Variants in XIRP2 observed in about 807,000 individuals in gnomAD.
The protein encoded by XIRP2 is xin actin-binding repeat-containing protein 2.
In XIRP2, 236 loss-of-function variants were observed where a neutral mutation model predicts 277.0. The observed-to-expected ratio is 0.85, with a 90% CI of 0.77 to 0.95. The LOEUF is 0.95. Ranked by LOEUF, XIRP2 falls within the 40% of genes least tolerant of loss-of-function variation. The probability of loss-of-function intolerance (pLI) is 0.00; values close to 1 mark genes in which losing one functional copy is unlikely to be tolerated. For synonymous variants in XIRP2, 1,490 were observed against 1,416.5 expected (o/e 1.05, Z -1.17); for missense variants, 4,640 against 4,157.5 (o/e 1.12, Z -3.19).
intron 2 of XIRP2, among the ~76,000 whole-genome samples, chr2:166,908,704 G>C (rs1326890374): frequency 6.6e-6 from 1 of 152,172 alleles, no homozygotes; most frequent in African/African-American, 2.4e-5. Context: ...CCTATGTCCT[G>C]AATGGTATAG....
At chr2:167,204,205 C>G (rs1451960410) in intron 3 of XIRP2, among the ~76,000 whole-genome samples, 1 of 152,138 alleles carries the variant, frequency 6.6e-6, no homozygotes, top group Non-Finnish European at 1.5e-5. Flanking sequence ...ATTCTGGTTT[C>G]TCTGCTCAAC....
chr2:166,971,365 T>A (rs752811656), intron 2 of XIRP2, among the ~76,000 whole-genome samples: 2 of 152,034 alleles, frequency 1.3e-5, no homozygotes, highest in South Asian at 4.1e-4. Context: ...CAGGAGATAC[T>A]TTGAAGAAAG....
chr2:166,968,774 A>G (rs1243410312), intron 2 of XIRP2, among the ~76,000 whole-genome samples: 5 of 151,942 alleles, frequency 3.3e-5, no homozygotes, highest in Non-Finnish European at 7.4e-5. Context: ...AACAGAAGCT[A>G]GTACAATAGC....
chr2:167,235,175 ACTT>A (rs1248682453), intron 5 of XIRP2, among the ~76,000 whole-genome samples: 9 of 151,696 alleles, frequency 5.9e-5, no homozygotes, highest in Non-Finnish European at 8.9e-5. Flanking sequence ...CTTGGTACAG[ACTT>A]CTTCTTGCTC....
chr2:167,163,507 C>T (rs1461097539), intron 3 of XIRP2, among the ~76,000 whole-genome samples: 1 of 152,114 alleles, frequency 6.6e-6, no homozygotes, highest in African/African-American at 2.4e-5. Context: ...TAATTGGATG[C>T]TTGTCTTTTT....
At chr2:166,913,920 A>T (rs1160081866) in intron 2 of XIRP2, among the ~76,000 whole-genome samples, 1 of 152,212 alleles carries the variant, frequency 6.6e-6, no homozygotes, top group Non-Finnish European at 1.5e-5. Flanking sequence ...CAAGTAAGTG[A>T]CTACTCTGGT....
At chr2:167,197,609 T>C (rs1194973954) in intron 3 of XIRP2, among the ~76,000 whole-genome samples, 1 of 152,170 alleles carries the variant, frequency 6.6e-6, no homozygotes, top group African/African-American at 2.4e-5. Context: ...CATATTATTT[T>C]TGAAAATATT....
intron 6 of XIRP2, 44 bp from the exon 7 acceptor site, chr2:167,240,620 G>T: frequency 6.5e-7 from 1 of 1,545,382 alleles, no homozygotes; most frequent in South Asian, 1.1e-5. Flanking sequence ...TAAAATAATT[G>T]ACTTCTTAAA....
At chr2:167,214,315 G>T (rs1474604403) in intron 4 of XIRP2, among the ~76,000 whole-genome samples, 1 of 149,426 alleles carries the variant, frequency 6.7e-6, no homozygotes, top group East Asian at 2.1e-4. Flanking sequence ...AAGGAAGGAA[G>T]GAAGGAAGGA....
chr2:166,941,273 C>A (rs1326143900), intron 2 of XIRP2, among the ~76,000 whole-genome samples: 2 of 152,168 alleles, frequency 1.3e-5, no homozygotes, highest in East Asian at 3.9e-4. Context: ...CCTGGTGTGC[C>A]ATTTGCTAAG....
chr2:167,030,963 T>A (rs1462525220), intron 2 of XIRP2, among the ~76,000 whole-genome samples: 1 of 152,156 alleles, frequency 6.6e-6, no homozygotes, highest in Non-Finnish European at 1.5e-5. Context: ...TTTGTGTTTC[T>A]TGATCTTTGT....
intron 2 of XIRP2, chr2:167,124,208 C>T (rs1691135091): frequency 6.6e-6 from 1 of 152,140 alleles, no homozygotes; most frequent in South Asian, 2.1e-4. Flanking sequence ...TCCTTGCTTA[C>T]AGACCGTAAT....
intron 2 of XIRP2, among the ~76,000 whole-genome samples, chr2:167,090,191 C>A (rs1690099411): frequency 6.6e-6 from 1 of 152,050 alleles, no homozygotes; most frequent in Non-Finnish European, 1.5e-5. Flanking sequence ...CAGATTAAAA[C>A]ATGCATTCTC....
At chr2:166,954,332 A>T (rs916439926) in intron 2 of XIRP2, among the ~76,000 whole-genome samples, 10 of 151,928 alleles carry the variant, frequency 6.6e-5, no homozygotes, top group Admixed American at 2.0e-4. Flanking sequence ...AAATTATTTC[A>T]ATCATTAGAG....
chr2:166,934,208 A>C (rs569577167), intron 2 of XIRP2, among the ~76,000 whole-genome samples: 15 of 150,940 alleles, frequency 9.9e-5, no homozygotes, highest in East Asian at 3.9e-4. Context: ...AAAAAAAAAA[A>C]AAAAAACAAA....
At chr2:166,911,426 T>G (rs776022559) in intron 2 of XIRP2, among the ~76,000 whole-genome samples, 1 of 152,198 alleles carries the variant, frequency 6.6e-6, no homozygotes, top group African/African-American at 2.4e-5. Context: ...AGACTAGGAT[T>G]GCAACCCCTG....
intron 2 of XIRP2, among the ~76,000 whole-genome samples, chr2:167,133,600 T>C (rs1691447585): frequency 6.6e-6 from 1 of 152,204 alleles, no homozygotes; most frequent in Non-Finnish European, 1.5e-5. Flanking sequence ...ATATCATCAG[T>C]CTGAGTCCAT....
chr2:166,973,338 AGTAAGAG>A (rs1686626065), intron 2 of XIRP2, among the ~76,000 whole-genome samples: 2 of 152,216 alleles, frequency 1.3e-5, no homozygotes, highest in African/African-American at 4.8e-5. Context: ...TTGTCCAACT[AGTAAGAG>A]CTTCTGTCAT....
chr2:166,946,978 T>C (rs1205744887), intron 2 of XIRP2, among the ~76,000 whole-genome samples: 1 of 152,100 alleles, frequency 6.6e-6, no homozygotes, highest in African/African-American at 2.4e-5. Flanking sequence ...TCAAAAACAA[T>C]GAAAGGCATA....
Sources: allele counts gnomAD v4.1 joint callset (sites outside exome capture counted in the v4.1 genomes callset), GRCh38; gene constraint gnomAD v4.1.1; transcripts MANE v1.5; gene names NCBI Gene and HGNC (gene_info 2026-07-23, HGNC 2026-07-21).